Variants in SCAPER observed in about 807,000 individuals in gnomAD.
SCAPER encodes S-phase cyclin A associated protein in the ER.
Under a neutral mutation model 182.2 loss-of-function variants are expected in SCAPER, and 98 were observed. The observed-to-expected ratio is 0.54, with a 90% CI of 0.46 to 0.64. SCAPER has a LOEUF of 0.64. SCAPER is among the 30% of genes least tolerant of loss of function. The pLI is 0.00. For missense variants in SCAPER, 1,432 were observed against 1,690.0 expected (o/e 0.85, Z 2.68); for synonymous variants, 605 against 564.6 (o/e 1.07, Z -1.01).
intron 6 of SCAPER, among the ~76,000 whole-genome samples, chr15:76,803,850 G>A (rs541395574): frequency 6.6e-6 from 1 of 151,778 alleles, no homozygotes; most frequent in African/African-American, 2.4e-5. Flanking sequence ...GCCACAGCAT[G>A]TACTATGTAC....
chr15:76,704,773 C>T (rs1025069433), intron 18 of SCAPER, among the ~76,000 whole-genome samples: 4 of 152,172 alleles, frequency 2.6e-5, no homozygotes, highest in African/African-American at 2.4e-5. Flanking sequence ...GACATTTATG[C>T]AGCCAAAAGA....
chr15:76,831,532 A>T (rs2068481409), intron 5 of SCAPER, among the ~76,000 whole-genome samples: 1 of 144,932 alleles, frequency 6.9e-6, no homozygotes, highest in African/African-American at 2.6e-5. Flanking sequence ...GTTGGTGTAC[A>T]CCAACCCCTC....
chr15:76,667,189 C>T (rs11636612), intron 20 of SCAPER, among the ~76,000 whole-genome samples: 32,246 of 152,054 alleles, frequency 0.21, 4,242 homozygotes, highest in East Asian at 0.48. Flanking sequence ...AGGTCAGTAA[C>T]GCCAGTGGCC....
chr15:76,418,378 A>C (rs779422636), intron 26 of SCAPER, among the ~76,000 whole-genome samples: 1 of 152,192 alleles, frequency 6.6e-6, no homozygotes, highest in Non-Finnish European at 1.5e-5. Flanking sequence ...ATGCCAGCAA[A>C]TCTTGCTACA....
chr15:76,657,753 T>C (rs914310337), intron 21 of SCAPER, among the ~76,000 whole-genome samples: 2 of 151,944 alleles, frequency 1.3e-5, no homozygotes, highest in African/African-American at 4.8e-5. Context: ...GGACATAAGG[T>C]TGGTCAACAA....
At chr15:76,486,563 T>C (rs948882545) in intron 24 of SCAPER, among the ~76,000 whole-genome samples, 1 of 152,126 alleles carries the variant, frequency 6.6e-6, no homozygotes, top group Non-Finnish European at 1.5e-5. Flanking sequence ...TAGACACTTT[T>C]CTAAAGATGA....
intron 20 of SCAPER, among the ~76,000 whole-genome samples, chr15:76,691,312 T>C (rs916928802): frequency 1.3e-5 from 2 of 152,004 alleles, no homozygotes; most frequent in African/African-American, 4.8e-5. Context: ...CAATGACACA[T>C]ACACACAAAT....
intron 21 of SCAPER, among the ~76,000 whole-genome samples, chr15:76,622,255 T>G (rs2052150573): frequency 6.6e-6 from 1 of 152,162 alleles, no homozygotes; most frequent in South Asian, 2.1e-4. Flanking sequence ...AATCCATTGT[T>G]GACTTAATTT....
intron 21 of SCAPER, among the ~76,000 whole-genome samples, chr15:76,656,992 G>A (rs903371434): frequency 6.6e-6 from 1 of 152,112 alleles, no homozygotes; most frequent in Admixed American, 6.5e-5. Context: ...AGATGAAGTA[G>A]AGGAAGAGGA....
In SCAPER at chr15:76,583,823, G is replaced by T. The variant is rs1472381260; in HGVS notation, c.2712-9539C>A. Among the ~76,000 whole-genome samples the T allele has an allele frequency of 4.6e-5, 7 of 152,164 alleles. No homozygotes were observed. The East Asian group carries it at 1.3e-3, about 29-fold the overall frequency. On this transcript the variant is annotated intron_variant, in intron 22 of 31. Transcript: ENST00000563290. ...ACCCTCATGCACTGTTGGTGGGAATGTATTATAAATTAGTAAAACCACTAT... is the reference window on the plus strand; with the variant it reads ...ACCCTCATGCACTGTTGGTGGGAATTTATTATAAATTAGTAAAACCACTAT...
Position 76,858,851 on chromosome 15 carries a change from ATT to A in SCAPER, c.125-974_125-973del, listed in dbSNP as rs377056311. Among the ~76,000 whole-genome samples the A allele has an allele frequency of 8.1e-4, 124 of 152,214 alleles. 1 individual carries two copies. The highest frequency in any genetic ancestry group is 2.8e-3 in the African/African-American group (116 of 41,538). The stretch of plus-strand genomic sequence containing the variant: ...AGTCCATGGTGTATATATGTACCAC[ATT>A]TTCTTTATCCAGTCTACCATTGATG... On this transcript the variant is annotated intron_variant, in intron 3 of 31. Coordinates refer to ENST00000563290, the MANE Select transcript of SCAPER (RefSeq NM_020843.4).
chr15:76,618,430 G>C (rs1223258515), intron 22 of SCAPER, among the ~76,000 whole-genome samples: 1 of 151,828 alleles, frequency 6.6e-6, no homozygotes, highest in Non-Finnish European at 1.5e-5. Flanking sequence ...ATTCTCTTTA[G>C]AATGATTTTA....
chr15:76,601,330 TTCAG>T (rs956132349), intron 22 of SCAPER, among the ~76,000 whole-genome samples: 1 of 122,308 alleles, frequency 8.2e-6, no homozygotes, highest in African/African-American at 2.5e-5. Context: ...ATAAGGATGT[TTCAG>T]TCAATGACAG....
intron 5 of SCAPER, among the ~76,000 whole-genome samples, chr15:76,825,477 C>G (rs2067928812): frequency 6.6e-6 from 1 of 152,154 alleles, no homozygotes; most frequent in African/African-American, 2.4e-5. Context: ...AAACAAAAGT[C>G]CTTTCTCTTT....
intron 22 of SCAPER, among the ~76,000 whole-genome samples, chr15:76,616,316 T>G (rs553303086): frequency 3.8e-4 from 58 of 152,308 alleles, no homozygotes; most frequent in Admixed American, 8.5e-4. Context: ...TTATCCTTGG[T>G]GCAACATGGA....
rs538952324 is a variant in SCAPER at position 76,892,033 on chromosome 15, AAC to A, written c.-59-8159_-59-8158del. 3.3e-5 allele frequency among the ~76,000 whole-genome samples: 5 copies of A among 152,288 alleles called. No homozygotes were observed. The East Asian group carries it at 9.6e-4, about 29-fold the overall frequency. ...CTCAGAAATAACACCACACATCTAC[AAC>A]CATCTGATCTTTGACAAACCTGACA... On this transcript the variant is annotated intron_variant, in intron 1 of 31. Transcript: ENST00000563290.
chr15:76,669,636 T>C (rs1483567862), intron 20 of SCAPER, among the ~76,000 whole-genome samples: 1 of 152,216 alleles, frequency 6.6e-6, no homozygotes, highest in Non-Finnish European at 1.5e-5. Context: ...ATTTCACAGA[T>C]GGTTAACAAA....
intron 23 of SCAPER, among the ~76,000 whole-genome samples, chr15:76,530,235 T>C (rs1455251687): frequency 3.3e-5 from 5 of 152,200 alleles, no homozygotes; most frequent in South Asian, 2.1e-4. Flanking sequence ...AAAGTATTAA[T>C]AACAGGCAGA....
At chr15:76,401,808 G>C (rs1173380519) in intron 27 of SCAPER, among the ~76,000 whole-genome samples, 3 of 152,178 alleles carry the variant, frequency 2.0e-5, no homozygotes, top group Admixed American at 6.5e-5. Flanking sequence ...ATGTAGAGAA[G>C]AGAAACAGGG....
Sources: allele counts gnomAD v4.1 joint callset (sites outside exome capture counted in the v4.1 genomes callset), GRCh38; gene constraint gnomAD v4.1.1; transcripts MANE v1.5; gene names NCBI Gene and HGNC (gene_info 2026-07-23, HGNC 2026-07-21).